The following LARP1B variants were observed in gnomAD, a reference collection of about 807,000 sequenced individuals.
LARP1B encodes the protein La ribonucleoprotein 1B.
Under a neutral mutation model 114.2 loss-of-function variants are expected in LARP1B, and 76 were observed. That is an observed-to-expected ratio of 0.67 (90% confidence interval 0.55 to 0.81). The LOEUF (loss-of-function observed/expected upper bound fraction) is 0.81, where lower values mean the gene tolerates loss of function less well. LARP1B is among the 30% of genes least tolerant of loss of function. The pLI, the probability that LARP1B is intolerant of heterozygous loss-of-function variation, is 0.00. For missense variants in LARP1B, 1,014 were observed against 1,075.8 expected (o/e 0.94, Z 0.80); for synonymous variants, 345 against 348.0 (o/e 0.99, Z 0.10).
chr4:128,185,070 T>C (rs1467652499), intron 15 of LARP1B, among the ~76,000 whole-genome samples: 1 of 151,284 alleles, frequency 6.6e-6, no homozygotes, highest in Admixed American at 6.6e-5. Flanking sequence ...TTTTCTTCAT[T>C]CATCCATTGA....
chr4:128,078,609 A>C (rs1289913843), intron 4 of LARP1B, among the ~76,000 whole-genome samples: 1 of 152,112 alleles, frequency 6.6e-6, no homozygotes, highest in African/African-American at 2.4e-5. Context: ...AAAAAAAAAA[A>C]AAAGTGAGAA....
intron 5 of LARP1B, among the ~76,000 whole-genome samples, chr4:128,085,428 C>T (rs980775825): frequency 7.2e-6 from 1 of 138,376 alleles, no homozygotes; most frequent in African/African-American, 2.7e-5. Context: ...TGCAGTGGGA[C>T]AGTCATAGCT....
At chr4:128,113,064 A>G (rs752664110) in intron 9 of LARP1B, among the ~76,000 whole-genome samples, 1 of 152,214 alleles carries the variant, frequency 6.6e-6, no homozygotes, top group Non-Finnish European at 1.5e-5. Flanking sequence ...TGCATTTAAC[A>G]TTTAACTTCT....
intron 9 of LARP1B, among the ~76,000 whole-genome samples, chr4:128,109,066 C>T (rs939781642): frequency 6.6e-6 from 1 of 152,048 alleles, no homozygotes; most frequent in African/African-American, 2.4e-5. Context: ...ATGGAGGGTT[C>T]TTAGAATTAT....
At chr4:128,136,325 AAAAC>A (rs1561364978) in intron 11 of LARP1B, among the ~76,000 whole-genome samples, 13 of 151,916 alleles carry the variant, frequency 8.6e-5, no homozygotes, top group African/African-American at 2.9e-4. Context: ...GAAAAACAAA[AAAAC>A]AAAAAAACAA....
At chr4:128,197,459 G>A (rs533192839) in intron 15 of LARP1B, among the ~76,000 whole-genome samples, 1 of 152,162 alleles carries the variant, frequency 6.6e-6, no homozygotes, top group African/African-American at 2.4e-5. Context: ...ACTTTGGGAG[G>A]CCGAGGCGGG....
At chr4:128,194,745 T>C (rs1313388090) in intron 15 of LARP1B, among the ~76,000 whole-genome samples, 2 of 140,266 alleles carry the variant, frequency 1.4e-5, no homozygotes, top group Non-Finnish European at 3.1e-5. Context: ...CGCTCACTGG[T>C]AATCCCAACT....
At chr4:128,083,480 C>T (rs1410174177) in intron 5 of LARP1B, among the ~76,000 whole-genome samples, 1 of 146,428 alleles carries the variant, frequency 6.8e-6, no homozygotes, top group Non-Finnish European at 1.5e-5. Flanking sequence ...GACGGAGAGG[C>T]TGGCCAGGCA....
chr4:128,208,347 A>T (rs1422714076), intron 19 of LARP1B, among the ~76,000 whole-genome samples: 1 of 150,650 alleles, frequency 6.6e-6, no homozygotes, highest in African/African-American at 2.4e-5. Context: ...AAAAAAAGGG[A>T]AGAAGAAAAA....
intron 1 of LARP1B, among the ~76,000 whole-genome samples, chr4:128,062,645 A>G (rs912448844): frequency 4.5e-5 from 6 of 131,904 alleles, no homozygotes; most frequent in Admixed American, 8.6e-5. Context: ...GAGCAAGGGG[A>G]TTTATTCGTA....
Position 128,091,523 on chromosome 4 carries a change from G to A in LARP1B, c.668+11G>A. 6.3e-7 allele frequency: 1 copy of A among 1,590,232 alleles called. No individual in the cohort carries two copies. The highest frequency in any genetic ancestry group is 8.6e-7 in the Non-Finnish European group (1 of 1,168,832). ...TATTAAGCGTCAAATGTAAGTGGAT[G>A]TTTGATGTAAGCAGACGGGATAGCA... On this transcript the variant is annotated intron_variant, in intron 7 of 19. Transcript: ENST00000326639.
At position 128,107,321 on chromosome 4, in the gene LARP1B, C is replaced by T. The variant is rs1345051191; in HGVS notation, c.988+8C>T. The T allele has an allele frequency of 6.2e-7, 1 of 1,613,816 alleles. No homozygotes were observed. Among genetic ancestry groups the T allele is most frequent in the Admixed American group, 1.7e-5 (1 of 59,982 alleles). ...CCTTTTGCTCACATACAGGTAACATCTTTTCTTCTAGAGCAAACGATGTAA... is the reference window on the plus strand; with the variant it reads ...CCTTTTGCTCACATACAGGTAACATTTTTTCTTCTAGAGCAAACGATGTAA... On this transcript the variant is annotated splice_region_variant and intron_variant, in intron 9 of 19. Coordinates refer to ENST00000326639, the MANE Select transcript of LARP1B (RefSeq NM_018078.4).
At chr4:128,076,477 A>C (rs753965993) in intron 3 of LARP1B, among the ~76,000 whole-genome samples, 1 of 152,140 alleles carries the variant, frequency 6.6e-6, no homozygotes, top group Non-Finnish European at 1.5e-5. Context: ...ACTGAGTAGT[A>C]TGGATGTAAC....
At chr4:128,189,830 T>A (rs1189095283) in intron 15 of LARP1B, among the ~76,000 whole-genome samples, 1 of 152,212 alleles carries the variant, frequency 6.6e-6, no homozygotes, top group Non-Finnish European at 1.5e-5. Flanking sequence ...ACACTTCAAC[T>A]CCATCCTCCC....
At chr4:128,106,721 G>T (rs1475248391) in intron 8 of LARP1B, among the ~76,000 whole-genome samples, 1 of 151,774 alleles carries the variant, frequency 6.6e-6, no homozygotes, top group Non-Finnish European at 1.5e-5. Context: ...ATGAGGTATT[G>T]TGAGGAATCA....
intron 11 of LARP1B, among the ~76,000 whole-genome samples, chr4:128,126,008 A>G (rs1445787827): frequency 1.3e-5 from 2 of 152,190 alleles, no homozygotes; most frequent in Non-Finnish European, 2.9e-5. Flanking sequence ...TTATATTGCA[A>G]GGAAAGTTAG....
intron 11 of LARP1B, among the ~76,000 whole-genome samples, chr4:128,145,231 T>G (rs1169179545): frequency 6.6e-6 from 1 of 152,154 alleles, no homozygotes; most frequent in Non-Finnish European, 1.5e-5. Flanking sequence ...CTTATGAGGT[T>G]TTATATTAGG....
chr4:128,105,059 T>G (rs1781582044), intron 8 of LARP1B, among the ~76,000 whole-genome samples: 1 of 136,650 alleles, frequency 7.3e-6, no homozygotes, highest in South Asian at 2.7e-4. Flanking sequence ...TGGGAAAGTT[T>G]CAAGGAGTTT....
intron 10 of LARP1B, among the ~76,000 whole-genome samples, chr4:128,121,354 G>T (rs1250673194): frequency 2.0e-5 from 3 of 152,168 alleles, no homozygotes; most frequent in African/African-American, 7.2e-5. Flanking sequence ...TTTCGCTCTT[G>T]TCGCCCAGGC....
Sources: allele counts gnomAD v4.1 joint callset (sites outside exome capture counted in the v4.1 genomes callset), GRCh38; gene constraint gnomAD v4.1.1; transcripts MANE v1.5; gene names NCBI Gene and HGNC (gene_info 2026-07-23, HGNC 2026-07-21).